MACROD2: variants seen among roughly 807,000 people sequenced by gnomAD.
The protein encoded by MACROD2 is mono-ADP ribosylhydrolase 2.
A neutral mutation model predicts 70.4 loss-of-function variants in MACROD2; 36 were observed. The ratio of observed to expected loss-of-function variants is 0.51; its 90% CI spans 0.39 to 0.68. MACROD2 has a LOEUF of 0.68. MACROD2 is among the 30% of genes least tolerant of loss of function. The pLI is 0.00. For missense variants in MACROD2, 496 were observed against 538.4 expected, an observed-to-expected ratio of 0.92 and a Z score of 0.78; for synonymous variants, 172 against 178.8, an observed-to-expected ratio of 0.96 and a Z score of 0.30.
intron 3 of MACROD2, among the ~76,000 whole-genome samples, chr20:14,219,974 A>T (rs1018501499): frequency 3.3e-5 from 5 of 152,052 alleles, no homozygotes; most frequent in Non-Finnish European, 7.4e-5. Context: ...CTTAGCATTG[A>T]TGGTTTAATA....
chr20:16,024,868 T>G (rs2067055948), intron 15 of MACROD2, among the ~76,000 whole-genome samples: 1 of 152,252 alleles, frequency 6.6e-6, no homozygotes, highest in Non-Finnish European at 1.5e-5. Flanking sequence ...AGAAAGAAAT[T>G]AACTCTGCTG....
intron 3 of MACROD2, among the ~76,000 whole-genome samples, chr20:14,319,109 G>T (rs751914472): frequency 6.6e-6 from 1 of 152,164 alleles, no homozygotes; most frequent in Non-Finnish European, 1.5e-5. Flanking sequence ...TCTGAAGTCT[G>T]TATTTTATAT....
chr20:15,418,097 A>G (rs564873804), intron 6 of MACROD2, among the ~76,000 whole-genome samples: 82 of 152,238 alleles, frequency 5.4e-4, no homozygotes, highest in Middle Eastern at 3.4e-3. Flanking sequence ...CTTCTTAACC[A>G]CTGTGTGACT....
chr20:15,304,129 T>C (rs2077673288), intron 6 of MACROD2, among the ~76,000 whole-genome samples: 1 of 152,206 alleles, frequency 6.6e-6, no homozygotes, highest in African/African-American at 2.4e-5. Context: ...CTATTTCTTA[T>C]CTAGTAACTT....
chr20:14,468,658 C>T (rs1161464862), intron 3 of MACROD2, among the ~76,000 whole-genome samples: 2 of 151,944 alleles, frequency 1.3e-5, no homozygotes, highest in Non-Finnish European at 2.9e-5. Context: ...ATTACAGGCA[C>T]ATGCCACCAC....
At chr20:14,516,003 A>T (rs1600328013) in intron 4 of MACROD2, among the ~76,000 whole-genome samples, 1 of 147,454 alleles carries the variant, frequency 6.8e-6, no homozygotes, top group East Asian at 1.9e-4. Context: ...TTTATATATT[A>T]TATACTTTAT....
At chr20:14,948,565 C>G (rs2074451313) in intron 5 of MACROD2, among the ~76,000 whole-genome samples, 1 of 152,140 alleles carries the variant, frequency 6.6e-6, no homozygotes, top group African/African-American at 2.4e-5. Flanking sequence ...TCCAGCCGTT[C>G]TAATGCCAAC....
intron 7 of MACROD2, among the ~76,000 whole-genome samples, chr20:15,492,704 T>G (rs78731919): frequency 0.022 from 3,290 of 152,270 alleles, 112 homozygotes; most frequent in African/African-American, 0.074. Context: ...AGTCTCACGT[T>G]TGATAACTTC....
chr20:14,945,064 T>A (rs1331068137), intron 5 of MACROD2, among the ~76,000 whole-genome samples: 1 of 152,108 alleles, frequency 6.6e-6, no homozygotes, highest in Non-Finnish European at 1.5e-5. Flanking sequence ...GTTTAAAAAT[T>A]GGAAGATTTC....
chr20:14,819,270 A>G (rs988889783), intron 5 of MACROD2, among the ~76,000 whole-genome samples: 6 of 151,844 alleles, frequency 4.0e-5, no homozygotes, highest in African/African-American at 1.5e-4. Context: ...TGCCTCAAAA[A>G]CAACAAAAAA....
intron 5 of MACROD2, among the ~76,000 whole-genome samples, chr20:15,115,974 G>C (rs1282920984): frequency 1.3e-5 from 2 of 152,030 alleles, no homozygotes; most frequent in African/African-American, 4.8e-5. Context: ...AATCTTAAAA[G>C]AAATAAAAAC....
chr20:15,582,287 T>C (rs978628286), intron 8 of MACROD2, among the ~76,000 whole-genome samples: 2 of 151,942 alleles, frequency 1.3e-5, no homozygotes, highest in Non-Finnish European at 1.5e-5. Context: ...CAAAGCAGAG[T>C]GCAGAAGGGT....
chr20:15,239,993 C>T (rs1354796503), intron 6 of MACROD2, among the ~76,000 whole-genome samples: 1 of 152,050 alleles, frequency 6.6e-6, no homozygotes, highest in Non-Finnish European at 1.5e-5. Flanking sequence ...TGGGCCTGGC[C>T]GGTATCTCAT....
At chr20:15,894,802 C>T (rs527359005) in intron 10 of MACROD2, among the ~76,000 whole-genome samples, 8 of 152,196 alleles carry the variant, frequency 5.3e-5, no homozygotes, top group Non-Finnish European at 8.8e-5. Flanking sequence ...AGTTTAAAAT[C>T]GTTCAGAGGA....
chr20:16,009,630 A>C (rs1195311565), intron 15 of MACROD2, among the ~76,000 whole-genome samples: 4 of 152,064 alleles, frequency 2.6e-5, no homozygotes, highest in Non-Finnish European at 4.4e-5. Context: ...GGTGGCGGGC[A>C]CCTGTAATCC....
chr20:15,616,512 C>T (rs1274670369), intron 8 of MACROD2, among the ~76,000 whole-genome samples: 1 of 152,162 alleles, frequency 6.6e-6, no homozygotes, highest in Non-Finnish European at 1.5e-5. Context: ...CCTGGTAGCT[C>T]ATTAGTGTTA....
intron 5 of MACROD2, among the ~76,000 whole-genome samples, chr20:14,878,920 G>C (rs2073580425): frequency 6.6e-6 from 1 of 151,902 alleles, no homozygotes; most frequent in Non-Finnish European, 1.5e-5. Flanking sequence ...CTTTCTACTT[G>C]GAGTACCTAT....
At chr20:14,964,232 A>G (rs1193450031) in intron 5 of MACROD2, among the ~76,000 whole-genome samples, 5 of 152,238 alleles carry the variant, frequency 3.3e-5, no homozygotes, top group East Asian at 3.9e-4. Context: ...TAGGATTTCA[A>G]CCTCTTCGAT....
intron 5 of MACROD2, among the ~76,000 whole-genome samples, chr20:14,817,976 AG>A (rs2072792597): frequency 6.6e-6 from 1 of 152,142 alleles, no homozygotes; most frequent in Non-Finnish European, 1.5e-5. Context: ...AAGCAGTAAC[AG>A]CTAAGTGCTC....
Sources: gnomAD v4.1 joint callset for allele counts (sites outside exome capture counted in the v4.1 genomes callset) on GRCh38, gnomAD v4.1.1 for gene constraint, MANE v1.5 for transcripts, NCBI Gene and HGNC (gene_info 2026-07-23, HGNC 2026-07-21) for gene names.